Variants in DOCK4 observed in about 807,000 individuals in gnomAD.
The protein encoded by DOCK4 is dedicator of cytokinesis protein 4.
In DOCK4, 97 loss-of-function variants were observed where a neutral mutation model predicts 268.1. The observed-to-expected ratio is 0.36, with a 90% CI of 0.31 to 0.43. The LOEUF is 0.43. DOCK4 is among the 20% of genes least tolerant of loss of function. The pLI, the probability that DOCK4 is intolerant of heterozygous loss-of-function variation, is 1.00. For missense variants in DOCK4, 2,145 were observed against 2,455.7 expected (o/e 0.87, Z 2.67); for synonymous variants, 954 against 887.2 (o/e 1.08, Z -1.34).
intron 11 of DOCK4, among the ~76,000 whole-genome samples, chr7:111,939,177 T>C (rs999521608): frequency 1.4e-4 from 22 of 152,074 alleles, no homozygotes; most frequent in South Asian, 4.2e-4. Flanking sequence ...ACTATACTAA[T>C]ATCTTCATCT....
intron 4 of DOCK4, among the ~76,000 whole-genome samples, chr7:111,996,961 G>A (rs1179681624): frequency 6.6e-6 from 1 of 152,202 alleles, no homozygotes; most frequent in Admixed American, 6.5e-5. Context: ...CCTTTGCACT[G>A]CAGAGTTGAG....
At chr7:112,179,256 T>A (rs116859535) in intron 1 of DOCK4, among the ~76,000 whole-genome samples, 1 of 151,950 alleles carries the variant, frequency 6.6e-6, no homozygotes, top group South Asian at 2.1e-4. Context: ...TGTGGTGGCA[T>A]ATGCCTGTAA....
At position 112,165,362 on chromosome 7, in the gene DOCK4, C is replaced by G. The variant is rs77487119; in HGVS notation, c.37+40740G>C. On this transcript the variant is annotated intron_variant, in intron 1 of 52. Coordinates refer to ENST00000428084, the MANE Select transcript of DOCK4 (RefSeq NM_001363540.2). ...TCTCCTATCTATCTATCTTTCCATG[C>G]TCTACGTCCATGTGATCAGATTTTT... Among the ~76,000 whole-genome samples the G allele has an allele frequency of 9.3e-4, 140 of 150,916 alleles. 2 individuals are homozygous for G. In the East Asian group the frequency reaches 0.023, roughly 25 times the overall value.
In DOCK4 at chr7:112,114,602, C is replaced by A. The variant is rs182544912; in HGVS notation, c.37+91500G>T. On this transcript the variant is annotated intron_variant, in intron 1 of 52. Coordinates refer to ENST00000428084, the MANE Select transcript of DOCK4 (RefSeq NM_001363540.2). ...TGGAAGTGTTTTTCCTCAAGACAACCAGCATTCTCTAGTACACAGCACAAG... is the reference window on the plus strand; with the variant it reads ...TGGAAGTGTTTTTCCTCAAGACAACAAGCATTCTCTAGTACACAGCACAAG... 4.4e-3 allele frequency among the ~76,000 whole-genome samples: 671 copies of A among 152,290 alleles called. 4 individuals are homozygous for A. The highest frequency in any genetic ancestry group is 7.0e-3 in the Non-Finnish European group (476 of 68,030).
chr7:112,008,159 C>T lies in DOCK4; in HGVS notation c.38-4028G>A, dbSNP rs190239116. Among the ~76,000 whole-genome samples, 263 of 152,134 alleles carry T rather than the reference C, an allele frequency of 1.7e-3. 1 individual carries two copies. Among genetic ancestry groups the T allele is most frequent in the Admixed American group, 2.8e-3 (42 of 15,270 alleles). On this transcript the variant is annotated intron_variant, in intron 1 of 52. Transcript: ENST00000428084. ...TGGTAAAGCTGGGAATATAAATATTCGGTTCTATTATTTTAGTCATACGGG... is the reference window on the plus strand; with the variant it reads ...TGGTAAAGCTGGGAATATAAATATTTGGTTCTATTATTTTAGTCATACGGG...
chr7:111,880,275 T>C (rs575710373), intron 16 of DOCK4, among the ~76,000 whole-genome samples: 91 of 152,292 alleles, frequency 6.0e-4, no homozygotes, highest in African/African-American at 2.1e-3. Flanking sequence ...GAGTGTGGCA[T>C]GACACCTTTA....
At chr7:111,922,040 C>G (rs953178095) in intron 12 of DOCK4, among the ~76,000 whole-genome samples, 3 of 152,164 alleles carry the variant, frequency 2.0e-5, no homozygotes, top group African/African-American at 4.8e-5. Flanking sequence ...CTGAGAAATA[C>G]AAATAGACGA....
intron 1 of DOCK4, among the ~76,000 whole-genome samples, chr7:112,115,202 T>C (rs138872459): frequency 2.4e-3 from 370 of 152,338 alleles, no homozygotes; most frequent in African/African-American, 8.1e-3. Flanking sequence ...AAGAATCACC[T>C]GGCAATCTTT....
chr7:112,186,858 T>C (rs955944820), intron 1 of DOCK4, among the ~76,000 whole-genome samples: 1 of 152,158 alleles, frequency 6.6e-6, no homozygotes, highest in Non-Finnish European at 1.5e-5. Flanking sequence ...TAACAAAATT[T>C]CAGGGACATA....
intron 1 of DOCK4, among the ~76,000 whole-genome samples, chr7:112,095,720 T>C (rs934042542): frequency 5.9e-5 from 9 of 151,524 alleles, no homozygotes; most frequent in African/African-American, 1.7e-4. Flanking sequence ...CTTAAGAAAA[T>C]TGAATAAGCA....
At chr7:112,034,382 T>C (rs1387749268) in intron 1 of DOCK4, among the ~76,000 whole-genome samples, 2 of 152,160 alleles carry the variant, frequency 1.3e-5, no homozygotes, top group Non-Finnish European at 2.9e-5. Context: ...CCACACATGG[T>C]AATGAGGAAA....
At chr7:111,907,824 G>A (rs1791718725) in intron 13 of DOCK4, among the ~76,000 whole-genome samples, 1 of 152,128 alleles carries the variant, frequency 6.6e-6, no homozygotes, top group African/African-American at 2.4e-5. Flanking sequence ...AACCTGCTGG[G>A]CTCAAGCAAT....
chr7:111,796,611 T>C (rs1390049507), intron 30 of DOCK4, among the ~76,000 whole-genome samples: 1 of 152,188 alleles, frequency 6.6e-6, no homozygotes, highest in Non-Finnish European at 1.5e-5. Flanking sequence ...TGTTACTTAA[T>C]TAGTAAGGGG....
intron 31 of DOCK4, among the ~76,000 whole-genome samples, chr7:111,789,554 C>G (rs976371669): frequency 6.6e-6 from 1 of 152,112 alleles, no homozygotes; most frequent in African/African-American, 2.4e-5. Context: ...GAGATAAAGA[C>G]AAGGGGGAAG....
At chr7:111,769,335 C>A (rs1443949451) in intron 37 of DOCK4, among the ~76,000 whole-genome samples, 194 bp downstream of exon 37, 6 of 152,128 alleles carry the variant, frequency 3.9e-5, no homozygotes, top group African/African-American at 1.4e-4. Context: ...CATTCAGAAT[C>A]AAAATGAATC....
At chr7:112,040,642 C>T (rs941897393) in intron 1 of DOCK4, among the ~76,000 whole-genome samples, 3 of 151,852 alleles carry the variant, frequency 2.0e-5, no homozygotes, top group Non-Finnish European at 4.4e-5. Context: ...CAGAAGATGC[C>T]GAGGCACAGT....
At chr7:111,916,757 CTTTG>C (rs149641897) in intron 12 of DOCK4, among the ~76,000 whole-genome samples, 2,649 of 152,014 alleles carry the variant, frequency 0.017, 27 homozygotes, top group Middle Eastern at 0.037. Flanking sequence ...TTCATTCCTT[CTTTG>C]TTTATCTTCT....
At chr7:111,760,397 C>T (rs1797309061) in intron 39 of DOCK4, 75 bp from the exon 40 acceptor site, 1 of 1,455,366 alleles carries the variant, frequency 6.9e-7, no homozygotes, top group Non-Finnish European at 9.4e-7. Flanking sequence ...AAACATGACA[C>T]TGGCAGTAAC....
chr7:111,892,707 C>G (rs911104408), intron 16 of DOCK4, among the ~76,000 whole-genome samples: 1 of 152,200 alleles, frequency 6.6e-6, no homozygotes, highest in African/African-American at 2.4e-5. Flanking sequence ...GCACAATGAT[C>G]AGCAGGCTGT....
Sources: gnomAD v4.1 joint callset for allele counts (sites outside exome capture counted in the v4.1 genomes callset) on GRCh38, gnomAD v4.1.1 for gene constraint, MANE v1.5 for transcripts, NCBI Gene and HGNC (gene_info 2026-07-23, HGNC 2026-07-21) for gene names.